Variants in CLTCL1 observed in about 807,000 individuals in gnomAD.
The protein encoded by CLTCL1 is clathrin heavy chain 2.
A neutral mutation model predicts 190.0 loss-of-function variants in CLTCL1; 159 were observed. The observed-to-expected ratio is 0.84, with a 90% CI of 0.74 to 0.95. The LOEUF (loss-of-function observed/expected upper bound fraction) is 0.95. CLTCL1 is among the 40% of genes least tolerant of loss of function. The probability of loss-of-function intolerance (pLI) is 0.00; values close to 1 mark genes in which losing one functional copy is unlikely to be tolerated. For synonymous variants in CLTCL1, 752 were observed against 769.6 expected, an observed-to-expected ratio of 0.98 and a Z score of 0.38; for missense variants, 1,878 against 2,033.4, an observed-to-expected ratio of 0.92 and a Z score of 1.47.
intron 2 of CLTCL1, among the ~76,000 whole-genome samples, chr22:19,265,350 G>A (rs2087087614): frequency 6.6e-6 from 1 of 152,028 alleles, no homozygotes; most frequent in Admixed American, 6.6e-5. Flanking sequence ...ACTAAGATGG[G>A]AGCTCAAATC....
chr22:19,230,097 GGT>G (rs1569200125), intron 10 of CLTCL1, 122 bp from the exon 11 acceptor site: 6,963 of 557,966 alleles, frequency 0.012, 117 homozygotes, highest in South Asian at 0.019. Context: ...TCCCTCCCTT[GGT>G]TTTTTTTTTT....
chr22:19,190,682 C>T (rs1555931333), intron 27 of CLTCL1, among the ~76,000 whole-genome samples: 2 of 151,104 alleles, frequency 1.3e-5, no homozygotes, highest in East Asian at 3.9e-4. Context: ...TGTGAGAAAT[C>T]CTAAAATGTG....
chr22:19,192,482 G>A (rs541271267), intron 26 of CLTCL1, among the ~76,000 whole-genome samples: 63 of 152,314 alleles, frequency 4.1e-4, no homozygotes, highest in South Asian at 6.2e-4. Flanking sequence ...GGTGATGAAT[G>A]TGTCTGCGTG....
At chr22:19,211,648 T>TC (rs1320905451) in intron 19 of CLTCL1, among the ~76,000 whole-genome samples, 1 of 151,412 alleles carries the variant, frequency 6.6e-6, no homozygotes, top group East Asian at 1.9e-4. Flanking sequence ...GCGCCTGTAG[T>TC]CCCAGCTACT....
intron 16 of CLTCL1, 123 bp downstream of exon 16, chr22:19,221,828 T>C (rs1356194618): frequency 8.8e-7 from 1 of 1,137,620 alleles, no homozygotes; most frequent in African/African-American, 1.5e-5. Context: ...AGTAACTCAT[T>C]GCTACATCTA....
chr22:19,200,791 G>A (rs2146317256), intron 23 of CLTCL1, among the ~76,000 whole-genome samples: 1 of 152,312 alleles, frequency 6.6e-6, no homozygotes, highest in East Asian at 1.9e-4. Flanking sequence ...GCAGTGAGCC[G>A]AGATCGTGTC....
At position 19,186,117 on chromosome 22, in the gene CLTCL1, C is replaced by T. The variant is rs1198398523; in HGVS notation, c.4605+1441G>A. On this transcript the variant is annotated intron_variant, in intron 29 of 32. Transcript: ENST00000427926. ...CCTCCACGGAGTCTGAGCCAACAGC[C>T]GCAGACCAGGAGCCATGAGAATGAG... 5.9e-5 allele frequency among the ~76,000 whole-genome samples: 9 copies of T among 152,268 alleles called. No homozygotes were observed. In the South Asian group the frequency reaches 8.3e-4, roughly 14 times the overall value.
At chr22:19,256,748 T>C (rs1555972815) in intron 2 of CLTCL1, among the ~76,000 whole-genome samples, 1 of 151,904 alleles carries the variant, frequency 6.6e-6, no homozygotes, top group African/African-American at 2.4e-5. Flanking sequence ...AATCCTTCCA[T>C]CTCAGCCTGT....
intron 28 of CLTCL1, 97 bp downstream of exon 28, chr22:19,187,884 C>A (rs559585071): frequency 2.2e-6 from 3 of 1,375,538 alleles, no homozygotes; most frequent in East Asian, 4.6e-5. Flanking sequence ...GGCCTGCACA[C>A]CCTCCTGTGC....
At chr22:19,236,719 G>A (rs1207352644) in intron 5 of CLTCL1, among the ~76,000 whole-genome samples, 2 of 152,172 alleles carry the variant, frequency 1.3e-5, no homozygotes, top group Non-Finnish European at 2.9e-5. Context: ...AGCCAAGGCA[G>A]GAGGATCACT....
At chr22:19,201,990 C>T (rs1184413942) in intron 22 of CLTCL1, among the ~76,000 whole-genome samples, 1 of 152,086 alleles carries the variant, frequency 6.6e-6, no homozygotes, top group African/African-American at 2.4e-5. Flanking sequence ...GCCATAGCCA[C>T]ACCTTACACC....
intron 24 of CLTCL1, among the ~76,000 whole-genome samples, chr22:19,199,444 G>A (rs151215378): frequency 9.9e-5 from 15 of 152,258 alleles, no homozygotes; most frequent in Middle Eastern, 3.4e-3. Flanking sequence ...GGTTGTTCCC[G>A]TCATGCAAGC....
chr22:19,194,486 A>C (rs565008359), intron 26 of CLTCL1, among the ~76,000 whole-genome samples: 183 of 152,310 alleles, frequency 1.2e-3, no homozygotes, highest in African/African-American at 4.3e-3. Context: ...CGTTTCAAGA[A>C]AAATAATAAT....
At chr22:19,191,235 C>T (rs1323701982) in intron 27 of CLTCL1, 69 bp downstream of exon 27, 9 of 1,581,900 alleles carry the variant, frequency 5.7e-6, no homozygotes, top group Middle Eastern at 1.7e-4. Context: ...TATAAAGGTG[C>T]TATCATTCAG....
intron 11 of CLTCL1, among the ~76,000 whole-genome samples, chr22:19,226,675 C>T (rs187924656): frequency 6.6e-6 from 1 of 152,304 alleles, no homozygotes; most frequent in East Asian, 1.9e-4. Flanking sequence ...CTCCATAAAG[C>T]CCTATTACTG....
chr22:19,277,003 A>C (rs558680224), intron 1 of CLTCL1, among the ~76,000 whole-genome samples: 75 of 152,238 alleles, frequency 4.9e-4, no homozygotes, highest in African/African-American at 1.8e-3. Context: ...TGTTCTGTTC[A>C]GCCCCAATTC....
chr22:19,192,412 G>A (rs145481723), intron 26 of CLTCL1, among the ~76,000 whole-genome samples: 342 of 152,288 alleles, frequency 2.2e-3, no homozygotes, highest in Admixed American at 0.013. Context: ...CGATGTCCAG[G>A]GCCTGGACAC....
chr22:19,184,797 C>G (rs1193981481), intron 29 of CLTCL1: 1 of 340,748 alleles, frequency 2.9e-6, no homozygotes, highest in African/African-American at 2.2e-5. Flanking sequence ...CAGTCAGTGT[C>G]CCGCTCCTGC....
At chr22:19,241,350 T>C (rs568566072) in intron 4 of CLTCL1, among the ~76,000 whole-genome samples, 42 of 152,282 alleles carry the variant, frequency 2.8e-4, no homozygotes, top group African/African-American at 9.4e-4. Flanking sequence ...AAAGGAGAGG[T>C]GTGCCTCACT....
Sources: gnomAD v4.1 joint callset for allele counts (sites outside exome capture counted in the v4.1 genomes callset) on GRCh38, gnomAD v4.1.1 for gene constraint, MANE v1.5 for transcripts, NCBI Gene and HGNC (gene_info 2026-07-23, HGNC 2026-07-21) for gene names.